Variants in MAF observed in about 807,000 individuals in gnomAD.
The protein encoded by MAF is transcription factor Maf.
A neutral mutation model predicts 22.0 loss-of-function variants in MAF; 10 were observed. That is an observed-to-expected ratio of 0.45 (90% CI 0.28 to 0.77). The LOEUF is 0.77. Among genes scored for constraint, MAF ranks in the 30% least tolerant of loss-of-function variants. MAF has a pLI of 0.12. For synonymous variants in MAF, 337 were observed against 255.8 expected, an observed-to-expected ratio of 1.32 and a Z score of -3.03; for missense variants, 544 against 548.4, an observed-to-expected ratio of 0.99 and a Z score of 0.08.
At chr16:79,455,861 T>C in the MAF span, among the ~76,000 whole-genome samples, 1 of 151,880 alleles carries the variant, frequency 6.6e-6, no homozygotes, top group Non-Finnish European at 1.5e-5. Context: ...CTGACAAAAA[T>C]ACAAAAGTTA....
At chr16:79,432,226 T>C in the MAF span, among the ~76,000 whole-genome samples, 1 of 152,194 alleles carries the variant, frequency 6.6e-6, no homozygotes, top group African/African-American at 2.4e-5. Flanking sequence ...TTCTCTCTCC[T>C]GCCGCCCTGT....
At chr16:79,550,952 T>A in the MAF span, among the ~76,000 whole-genome samples, 2 of 152,232 alleles carry the variant, frequency 1.3e-5, no homozygotes. Flanking sequence ...CTTTCCACCA[T>A]AGCCAGGACC....
the MAF span, among the ~76,000 whole-genome samples, chr16:79,329,723 G>A: frequency 3.3e-5 from 5 of 152,114 alleles, no homozygotes; most frequent in Non-Finnish European, 5.9e-5. Flanking sequence ...TGAAAATAAA[G>A]CATCTTAGAA....
chr16:79,534,707 G>A, the MAF span, among the ~76,000 whole-genome samples: 4 of 152,122 alleles, frequency 2.6e-5, no homozygotes, highest in South Asian at 2.1e-4. Context: ...TGCATGTTGT[G>A]CACATGTACC....
At chr16:79,438,374 A>T in the MAF span, among the ~76,000 whole-genome samples, 9 of 152,186 alleles carry the variant, frequency 5.9e-5, no homozygotes, top group African/African-American at 2.2e-4. Context: ...CTTCGCCACA[A>T]TTAGAAACTC....
chr16:79,474,324 C>G, the MAF span, among the ~76,000 whole-genome samples: 1 of 152,296 alleles, frequency 6.6e-6, no homozygotes, highest in African/African-American at 2.4e-5. Context: ...TATAAAAATG[C>G]CTATCTCCCC....
the MAF span, among the ~76,000 whole-genome samples, chr16:79,488,777 T>C: frequency 3.9e-5 from 6 of 152,248 alleles, no homozygotes; most frequent in African/African-American, 1.4e-4. Context: ...GCAGCTTTCT[T>C]ACCTCTCGTT....
At chr16:79,475,287 TATTA>T in the MAF span, among the ~76,000 whole-genome samples, 2 of 151,416 alleles carry the variant, frequency 1.3e-5, no homozygotes, top group Non-Finnish European at 2.9e-5. Context: ...ATATATATAT[TATTA>T]ATTAATTCTC....
At chr16:79,494,235 G>C in the MAF span, among the ~76,000 whole-genome samples, 1 of 152,164 alleles carries the variant, frequency 6.6e-6, no homozygotes, top group Non-Finnish European at 1.5e-5. Context: ...ATGAAAGCCA[G>C]GGAATTAGCA....
the MAF span, among the ~76,000 whole-genome samples, chr16:79,222,602 G>T: frequency 6.6e-6 from 1 of 152,012 alleles, no homozygotes; most frequent in African/African-American, 2.4e-5. Flanking sequence ...AAAGAGTCAA[G>T]ACCCATCCTG....
the MAF span, among the ~76,000 whole-genome samples, chr16:79,543,676 CTTTTTT>C: frequency 1.5e-5 from 2 of 137,278 alleles, no homozygotes; most frequent in Non-Finnish European, 3.1e-5. Flanking sequence ...TTTTCTTTTT[CTTTTTT>C]TTTTTTTCTT....
At chr16:79,334,692 G>T in the MAF span, among the ~76,000 whole-genome samples, 1 of 152,256 alleles carries the variant, frequency 6.6e-6, no homozygotes, top group Admixed American at 6.5e-5. Flanking sequence ...GTTGTACAGA[G>T]CCCATACCCA....
the MAF span, among the ~76,000 whole-genome samples, chr16:79,547,708 G>C: frequency 6.6e-6 from 1 of 152,176 alleles, no homozygotes; most frequent in African/African-American, 2.4e-5. Context: ...TTAAAGGCCT[G>C]TGTCATAAGA....
At chr16:79,518,521 G>A in the MAF span, among the ~76,000 whole-genome samples, 4 of 152,234 alleles carry the variant, frequency 2.6e-5, no homozygotes, top group Non-Finnish European at 5.9e-5. Context: ...TCTGCAGTCA[G>A]CTGCTTTGGA....
the MAF span, among the ~76,000 whole-genome samples, chr16:79,497,924 C>T: frequency 6.6e-6 from 1 of 152,180 alleles, no homozygotes; most frequent in South Asian, 2.1e-4. Context: ...CTAGCATAAC[C>T]TCTCCTCTGA....
At chr16:79,328,906 G>C in the MAF span, among the ~76,000 whole-genome samples, 4 of 152,122 alleles carry the variant, frequency 2.6e-5, no homozygotes, top group Non-Finnish European at 2.9e-5. Flanking sequence ...GCTTGTATTA[G>C]TGCTAAGGGC....
At chr16:79,527,696 G>A in the MAF span, among the ~76,000 whole-genome samples, 2 of 152,136 alleles carry the variant, frequency 1.3e-5, no homozygotes, top group Admixed American at 1.3e-4. Flanking sequence ...AGCTTGTGAG[G>A]GTGTGGGGTG....
the MAF span, among the ~76,000 whole-genome samples, chr16:79,441,211 G>A: frequency 7.9e-4 from 120 of 152,276 alleles, no homozygotes; most frequent in Admixed American, 2.0e-3. Flanking sequence ...ATTACAAATT[G>A]AACCACAGAT....
chr16:79,563,104 C>T, the MAF span, among the ~76,000 whole-genome samples: 1 of 149,042 alleles, frequency 6.7e-6, no homozygotes, highest in Non-Finnish European at 1.5e-5. Context: ...AGAACTTACG[C>T]TCAGGAGGAT....
Sources: gnomAD v4.1 joint callset for allele counts (sites outside exome capture counted in the v4.1 genomes callset) on GRCh38, gnomAD v4.1.1 for gene constraint, MANE v1.5 for transcripts, NCBI Gene and HGNC (gene_info 2026-07-23, HGNC 2026-07-21) for gene names.